Variants in SMIM5 observed in about 807,000 individuals in gnomAD.
SMIM5 encodes the protein small integral membrane protein 5.
In SMIM5, 4 loss-of-function variants were observed where a neutral mutation model predicts 4.0. The observed-to-expected ratio is 1.01, with a 90% CI of 0.50 to 2.30. SMIM5 has a LOEUF of 2.30. SMIM5 is among the 30% of genes most tolerant of loss of function. The probability of loss-of-function intolerance (pLI) is 0.02; values close to 1 mark genes in which losing one functional copy is unlikely to be tolerated. For missense variants in SMIM5, 107 were observed against 99.2 expected, an observed-to-expected ratio of 1.08 and a Z score of -0.34; for synonymous variants, 46 against 43.6, an observed-to-expected ratio of 1.05 and a Z score of -0.22.
At position 75,640,360 on chromosome 17, in the gene SMIM5, T is replaced by C. The variant is rs2059412990; in HGVS notation, c.127+32T>C. The C allele has an allele frequency of 1.3e-6, 2 of 1,512,406 alleles. No individual in the cohort carries two copies. Among genetic ancestry groups the C allele is most frequent in the Non-Finnish European group, 1.8e-6 (2 of 1,124,842 alleles). The allele number at this position is 1,512,406 out of a possible 1,614,324, so 93.7% of individuals were successfully genotyped here. A position where few individuals can be genotyped will look rare whatever the true frequency, so the allele number is the denominator to read the frequency against. On this transcript the variant is annotated intron_variant, in intron 2 of 2. Coordinates refer to ENST00000375215, the MANE Select transcript of SMIM5 (RefSeq NM_001162995.3). This position sits in a 1 kb window ranked among gnomAD's most constrained non-coding sequence, Gnocchi z 4.6. ...TGGGGCACTCAGCACCCCATGGCTCTCCCTGGCATCTGGGAGAGACCACAC... is the reference window on the plus strand; with the variant it reads ...TGGGGCACTCAGCACCCCATGGCTCCCCCTGGCATCTGGGAGAGACCACAC...
At position 75,635,934 on chromosome 17, in the gene SMIM5, G is replaced by A. The variant is rs775189356; in HGVS notation, c.-37+1732G>A. On this transcript the variant is annotated intron_variant, in intron 1 of 2. Transcript: ENST00000375215. ...CCAAGTGGCAGCTGTCTGGCCTGCG[G>A]GATGCCTGCCTGTTGCAAGGCTCCG... is the stretch of plus-strand genomic sequence containing the variant. 7.6e-4 allele frequency: 671 copies of A among 878,380 alleles called. 1 individual carries two copies. The highest frequency in any genetic ancestry group is 1.1e-3 in the Admixed American group (17 of 16,170). The allele number at this position is 878,380 out of a possible 1,614,324, so 54.4% of individuals were successfully genotyped here. A position where few individuals can be genotyped will look rare whatever the true frequency, so the allele number is the denominator to read the frequency against.
chr17:75,640,641 T>C lies in SMIM5; in HGVS notation c.128-150T>C. 6.9e-7 allele frequency: 1 copy of C among 1,445,588 alleles called. No homozygotes were observed. Among genetic ancestry groups the C allele is most frequent in the Non-Finnish European group, 9.2e-7 (1 of 1,091,964 alleles). 89.5% of individuals were successfully genotyped at this position (1,445,588 alleles called of 1,614,324 possible). A position where few individuals can be genotyped will look rare whatever the true frequency, so the allele number is the denominator to read the frequency against. On this transcript the variant is annotated intron_variant, in intron 2 of 2. Transcript: ENST00000375215. The surrounding 1 kb of genome is among the most constrained non-coding windows in gnomAD (Gnocchi z 4.6). The stretch of plus-strand genomic sequence containing the variant: ...GCCCTGGCGGCTGGCATGGGGACCG[T>C]CCGCACCTCTCACCAGCCTCTCGGA...
rs116880308 is a variant in SMIM5, at chr17:75,635,251, G to A, written c.-37+1049G>A. 7.1e-4 allele frequency among the ~76,000 whole-genome samples: 108 copies of A among 152,292 alleles called. No individual in the cohort carries two copies. The East Asian group carries it at 0.018, about 26-fold the overall frequency. The stretch of plus-strand genomic sequence containing the variant: ...ACAAGCTCCTGCGGTGTTGGGAGGC[G>A]CACAGTAGGGAAGAGTCAGGCCAGG... On this transcript the variant is annotated intron_variant, in intron 1 of 2. Transcript: ENST00000375215.
rs1256720917 is a variant in SMIM5, at chr17:75,641,057, C to A, written c.*160C>A. 5.3e-6 allele frequency: 7 copies of A among 1,317,808 alleles called. No individual in the cohort carries two copies. The highest frequency in any genetic ancestry group is 7.1e-6 in the Non-Finnish European group (7 of 988,362). The allele number at this position is 1,317,808 out of a possible 1,614,324, so 81.6% of individuals were successfully genotyped here. ...CTGGACACTGACAACTTGAGCCCTA[C>A]CAAGGAAACAAGGGCTGGTATAGGT... On this transcript the variant is annotated 3_prime_UTR_variant, in exon 3 of 3. Transcript: ENST00000375215.
In SMIM5 at chr17:75,641,058, C is replaced by A; in HGVS notation, c.*161C>A. The A allele has an allele frequency of 7.9e-7, 1 of 1,269,156 alleles. No homozygotes were observed. Among genetic ancestry groups the A allele is most frequent in the Non-Finnish European group, 1.1e-6 (1 of 944,152 alleles). The allele number at this position is 1,269,156 out of a possible 1,614,324, so 78.6% of individuals were successfully genotyped here. ...TGGACACTGACAACTTGAGCCCTAC[C>A]AAGGAAACAAGGGCTGGTATAGGTG... On this transcript the variant is annotated 3_prime_UTR_variant, in exon 3 of 3. Transcript: ENST00000375215.
intron 1 of SMIM5, chr17:75,639,607 G>A (rs1482390922): frequency 1.3e-5 from 2 of 152,486 alleles, no homozygotes; most frequent in Non-Finnish European, 2.9e-5. Flanking sequence ...ACACGGTGCG[G>A]CCTCCCCCTC....
In SMIM5 at chr17:75,640,390, G is replaced by A. The variant is rs2059413659; in HGVS notation, c.127+62G>A. On this transcript the variant is annotated intron_variant, in intron 2 of 2. Transcript: ENST00000375215. The surrounding 1 kb of genome is among the most constrained non-coding windows in gnomAD (Gnocchi z 4.6). ...GGCATCTGGGAGAGACCACACCATG[G>A]TGCCAGCCAGAGGGCTGGCAGAGGT... The A allele has an allele frequency of 2.0e-6, 3 of 1,467,830 alleles. No individual in the cohort carries two copies. Among genetic ancestry groups the A allele is most frequent in the Non-Finnish European group, 2.7e-6 (3 of 1,105,052 alleles). 90.9% of individuals were successfully genotyped at this position (1,467,830 alleles called of 1,614,324 possible).
In SMIM5 at chr17:75,633,742, T is replaced by G. The variant is rs2059265570; in HGVS notation, c.-497T>G. On this transcript the variant is annotated 5_prime_UTR_variant, in exon 1 of 3. Coordinates refer to ENST00000375215, the MANE Select transcript of SMIM5 (RefSeq NM_001162995.3). ...GTGGGTGCCCCAGACCTGAGAGCGC[T>G]GCAGGACTCCCCTCCACAGGCTCAG... 5 of 1,066,554 alleles carry G rather than the reference T, an allele frequency of 4.7e-6. No individual in the cohort carries two copies. Among genetic ancestry groups the G allele is most frequent in the Non-Finnish European group, 5.7e-6 (5 of 874,858 alleles). 66.1% of individuals were successfully genotyped at this position (1,066,554 alleles called of 1,614,324 possible).
In SMIM5 at chr17:75,640,283, G is replaced by A. The variant is rs1019130962; in HGVS notation, c.82G>A (p.Glu28Lys). 3 of 1,551,326 alleles carry A rather than the reference G, an allele frequency of 1.9e-6. No homozygotes were observed. In the East Asian group the frequency reaches 7.3e-5, roughly 38 times the overall value. ...CAAGCTGCAGAGACTGCCCCAGGCT[G>A]AGCCCGTGGAGATCGTGGCCTTCTC... ...LLKLQRLPQA[E>K]PVEIVAFSVI... Residue 28 changes from glutamate (E) to lysine (K), a missense_variant, in exon 2 of 3, where the codon GAG becomes AAG. Transcript: ENST00000375215. The surrounding 1 kb of genome is among the most constrained non-coding windows in gnomAD (Gnocchi z 4.6).
chr17:75,640,626 C>T lies in SMIM5; in HGVS notation c.128-165C>T, dbSNP rs1210676232. On this transcript the variant is annotated intron_variant, in intron 2 of 2. Transcript: ENST00000375215. The surrounding 1 kb of genome is among the most constrained non-coding windows in gnomAD (Gnocchi z 4.6). ...ACATGGAGGAGGTTGGCCCTGGCGG[C>T]TGGCATGGGGACCGTCCGCACCTCT... is the stretch of plus-strand genomic sequence containing the variant. Among the ~76,000 whole-genome samples, 1 of 152,134 alleles carries T rather than the reference C, an allele frequency of 6.6e-6. No individual in the cohort carries two copies. The highest frequency in any genetic ancestry group is 1.5e-5 in the Non-Finnish European group (1 of 68,024).
Position 75,641,106 on chromosome 17 carries a change from A to C in SMIM5, c.*209A>C. 1.2e-6 allele frequency: 1 copy of C among 854,262 alleles called. No homozygotes were observed. Among genetic ancestry groups the C allele is most frequent in the Non-Finnish European group, 1.7e-6 (1 of 580,486 alleles). The allele number at this position is 854,262 out of a possible 1,614,324, so 52.9% of individuals were successfully genotyped here. On this transcript the variant is annotated 3_prime_UTR_variant, in exon 3 of 3. Transcript: ENST00000375215. ...GTGCAAACCTCTCATCTGCCAGTGG[A>C]CACTGGGTGCTGGGGAGTCAGCTGT...
Position 75,640,232 on chromosome 17 carries a change from C to G in SMIM5, c.31C>G (p.Arg11Gly). ...TGCCACCGACTTCGTGCAGGAGATG[C>G]GCGCCGTGGGCGAGAGGCTGCTGCT... MAATDFVQEM[R>G]AVGERLLLKL... Residue 11 changes from arginine to glycine, a missense_variant, in exon 2 of 3, where the codon CGC becomes GGC. Coordinates refer to ENST00000375215, the MANE Select transcript of SMIM5 (RefSeq NM_001162995.3). This position sits in a 1 kb window ranked among gnomAD's most constrained non-coding sequence, Gnocchi z 4.6. The G allele has an allele frequency of 6.4e-7, 1 of 1,550,852 alleles. No homozygotes were observed. Among genetic ancestry groups the G allele is most frequent in the Non-Finnish European group, 8.7e-7 (1 of 1,146,750 alleles).
rs1599018421 is a variant in SMIM5, at chr17:75,640,446, C to G, written c.127+118C>G. On this transcript the variant is annotated intron_variant, in intron 2 of 2. Transcript: ENST00000375215. The surrounding 1 kb of genome is among the most constrained non-coding windows in gnomAD (Gnocchi z 4.6). Reference sequence around the variant, plus strand: ...GTGTCTGCCGGATCAAGGAGGAAAACCAGTTGTCCCTTGGGGGAAGCCAAG... The same window carrying G: ...GTGTCTGCCGGATCAAGGAGGAAAAGCAGTTGTCCCTTGGGGGAAGCCAAG... The G allele has an allele frequency of 1.4e-6, 2 of 1,412,064 alleles. No homozygotes were observed. Among genetic ancestry groups the G allele is most frequent in the East Asian group, 2.5e-5 (1 of 39,460 alleles). The allele number at this position is 1,412,064 out of a possible 1,614,324, so 87.5% of individuals were successfully genotyped here.
In SMIM5 at chr17:75,636,002, C is replaced by T. The variant is rs557185194; in HGVS notation, c.-37+1800C>T. ...CATAAAGGAATGCTTCCCATCCCTC[C>T]GGCTCTGCCAGCCTTCTCTGCCCTG... On this transcript the variant is annotated intron_variant, in intron 1 of 2. Coordinates refer to ENST00000375215, the MANE Select transcript of SMIM5 (RefSeq NM_001162995.3). This position sits in a 1 kb window ranked among gnomAD's most constrained non-coding sequence, Gnocchi z 5.4. Among the ~76,000 whole-genome samples the T allele has an allele frequency of 2.0e-4, 31 of 152,346 alleles. No individual in the cohort carries two copies. The highest frequency in any genetic ancestry group is 8.3e-4 in the South Asian group (4 of 4,828).
chr17:75,635,465 G>A (rs374863377), intron 1 of SMIM5, among the ~76,000 whole-genome samples: 5 of 152,216 alleles, frequency 3.3e-5, no homozygotes, highest in Non-Finnish European at 1.5e-5. Context: ...CAGAAAGAGC[G>A]CCTACTGTTT....
chr17:75,639,845 C>T (rs1187910423), intron 1 of SMIM5: 2 of 197,076 alleles, frequency 1.0e-5, no homozygotes, highest in African/African-American at 2.3e-5. Context: ...TCCCAAGCAC[C>T]CAGGCAAAAC....
chr17:75,635,159 G>A (rs937463132), intron 1 of SMIM5, among the ~76,000 whole-genome samples: 1 of 152,234 alleles, frequency 6.6e-6, no homozygotes, highest in Non-Finnish European at 1.5e-5. Context: ...TGGAAACCAA[G>A]GACTAGCCCA....
rs1283890100 is a variant in SMIM5, at chr17:75,634,128, AG to A, written c.-109del. The A allele has an allele frequency of 3.0e-6, 3 of 985,340 alleles. No individual in the cohort carries two copies. The highest frequency in any genetic ancestry group is 3.6e-6 in the Non-Finnish European group (3 of 829,970). The allele number at this position is 985,340 out of a possible 1,614,324, so 61.0% of individuals were successfully genotyped here. A position where few individuals can be genotyped will look rare whatever the true frequency, so the allele number is the denominator to read the frequency against. On this transcript the variant is annotated 5_prime_UTR_variant, in exon 1 of 3. Coordinates refer to ENST00000375215, the MANE Select transcript of SMIM5 (RefSeq NM_001162995.3). ...CCCAGGGGAGCAGCGGCGCCCACGA[AG>A]GAAGTACGAGGACAGCACGTGGAGG...
Position 75,641,134 on chromosome 17 carries a change from C to G in SMIM5, c.*237C>G. On this transcript the variant is annotated 3_prime_UTR_variant, in exon 3 of 3. Coordinates refer to ENST00000375215, the MANE Select transcript of SMIM5 (RefSeq NM_001162995.3). ...CTGGGTGCTGGGGAGTCAGCTGTTT[C>G]AAAGACTGGGTCAACTGCCTGGGCT... is the stretch of plus-strand genomic sequence containing the variant. 3.1e-6 allele frequency: 2 copies of G among 637,228 alleles called. No individual in the cohort carries two copies. The highest frequency in any genetic ancestry group is 5.0e-6 in the Non-Finnish European group (2 of 399,296). 39.5% of individuals were successfully genotyped at this position (637,228 alleles called of 1,614,324 possible).
Sources: allele counts gnomAD v4.1 joint callset (sites outside exome capture counted in the v4.1 genomes callset), GRCh38; gene constraint gnomAD v4.1.1; non-coding constraint Gnocchi (gnomAD v3.1); transcripts MANE v1.5; gene names NCBI Gene and HGNC (gene_info 2026-07-23, HGNC 2026-07-21).